Variants in PPP1R42 observed in about 807,000 individuals in gnomAD.
The protein encoded by PPP1R42 is leucine rich repeat containing 67.
In PPP1R42, 34 loss-of-function variants were observed where a neutral mutation model predicts 31.0. That is an observed-to-expected ratio of 1.10 (90% CI 0.83 to 1.46). The LOEUF is 1.46. Ranked by LOEUF, PPP1R42 falls within the 40% of genes most tolerant of loss-of-function variation. The pLI is 0.00. For missense variants in PPP1R42, 268 were observed against 303.0 expected (o/e 0.88, Z 0.86); for synonymous variants, 103 against 109.8 (o/e 0.94, Z 0.39).
intron 7 of PPP1R42, among the ~76,000 whole-genome samples, chr8:66,967,191 C>T (rs536117836): frequency 7.2e-5 from 11 of 152,060 alleles, no homozygotes; most frequent in Admixed American, 2.6e-4. Context: ...AGGCTGGTTT[C>T]GAACTCCTGG....
chr8:67,006,964 C>T (rs1423601870), intron 5 of PPP1R42, among the ~76,000 whole-genome samples: 8 of 149,490 alleles, frequency 5.4e-5, no homozygotes, highest in African/African-American at 1.5e-4. Flanking sequence ...AGGATGGTCT[C>T]GATCTCCTGA....
At chr8:66,964,702 T>A (rs1270467083) in intron 7 of PPP1R42, among the ~76,000 whole-genome samples, 1 of 152,176 alleles carries the variant, frequency 6.6e-6, no homozygotes, top group Non-Finnish European at 1.5e-5. Flanking sequence ...TTTTTATATA[T>A]AAATGTTTTA....
At position 67,028,540 on chromosome 8, in the gene PPP1R42, G is replaced by A. The variant is rs1169178751; in HGVS notation, c.-134C>T. On this transcript the variant is annotated 5_prime_UTR_variant, in exon 1 of 8. Transcript: ENST00000685739. ...AACTCCAGTTTGGTCGGTTTCATCG[G>A]CGCCGGGTCCCTACGCAGACCAGCG... 4 of 985,414 alleles carry A rather than the reference G, an allele frequency of 4.1e-6. No homozygotes were observed. Among genetic ancestry groups the A allele is most frequent in the Non-Finnish European group, 4.8e-6 (4 of 829,974 alleles). 61.0% of individuals were successfully genotyped at this position (985,414 alleles called of 1,614,324 possible).
At chr8:67,005,136 T>G (rs1815635229) in intron 5 of PPP1R42, among the ~76,000 whole-genome samples, 1 of 150,548 alleles carries the variant, frequency 6.6e-6, no homozygotes, top group Non-Finnish European at 1.5e-5. Context: ...AGCATTACCA[T>G]TTGTTGTGGT....
chr8:66,964,250 T>A lies in PPP1R42; in HGVS notation c.*71A>T, dbSNP rs1056508967. On this transcript the variant is annotated 3_prime_UTR_variant, in exon 8 of 8. Coordinates refer to ENST00000685739, the MANE Select transcript of PPP1R42 (RefSeq NM_001364910.1). ...ACTCATTTTCCACAAACAAATTTTC[T>A]TTTTCTTCTGGGTTATGGAAGAGGT... 9 of 1,177,496 alleles carry A rather than the reference T, an allele frequency of 7.6e-6. No individual in the cohort carries two copies. Among genetic ancestry groups the A allele is most frequent in the Admixed American group, 4.7e-5 (2 of 42,956 alleles). 72.9% of individuals were successfully genotyped at this position (1,177,496 alleles called of 1,614,324 possible).
At chr8:67,014,326 T>C in intron 3 of PPP1R42, 100 bp downstream of exon 3, 1 of 619,902 alleles carries the variant, frequency 1.6e-6, no homozygotes, top group Middle Eastern at 4.7e-4. Flanking sequence ...GAATTTACTT[T>C]TGGAATTTAA....
rs374962704 is a variant in PPP1R42 at position 67,019,664 on chromosome 8, G to A, written c.-84-1833C>T. ...CCCCAGCACTTTGGGAAGCCGAGGCGGGCGGATCACAAGGTCAGGAGATCG... is the reference window on the plus strand; with the variant it reads ...CCCCAGCACTTTGGGAAGCCGAGGCAGGCGGATCACAAGGTCAGGAGATCG... On this transcript the variant is annotated intron_variant, in intron 1 of 7. Transcript: ENST00000685739. 1.2e-3 allele frequency among the ~76,000 whole-genome samples: 179 copies of A among 151,788 alleles called. 1 individual carries two copies. Among genetic ancestry groups the A allele is most frequent in the African/African-American group, 4.2e-3 (175 of 41,422 alleles).
At chr8:66,967,801 T>G (rs1186060059) in intron 7 of PPP1R42, among the ~76,000 whole-genome samples, 1 of 152,138 alleles carries the variant, frequency 6.6e-6, no homozygotes, top group Admixed American at 6.6e-5. Context: ...TATTTTTACA[T>G]TAACAAAAGA....
At position 67,019,901 on chromosome 8, in the gene PPP1R42, C is replaced by A. The variant is rs951735569; in HGVS notation, c.-84-2070G>T. ...AGACTCCACCTCAACAAAAAAAAAA[C>A]CAAAAAAACAAACAAACAAAAAAAC... On this transcript the variant is annotated intron_variant, in intron 1 of 7. Transcript: ENST00000685739. Among the ~76,000 whole-genome samples the A allele has an allele frequency of 3.6e-4, 55 of 150,896 alleles. 1 individual carries two copies. The highest frequency in any genetic ancestry group is 6.3e-4 in the South Asian group (3 of 4,762).
chr8:67,016,660 G>A (rs1418867464), intron 2 of PPP1R42, among the ~76,000 whole-genome samples: 4 of 152,106 alleles, frequency 2.6e-5, no homozygotes, highest in Admixed American at 2.6e-4. Context: ...TGGGGTAAAG[G>A]TGGTTTTTGG....
chr8:67,011,854 A>G (rs1815852340), intron 4 of PPP1R42, among the ~76,000 whole-genome samples: 1 of 152,218 alleles, frequency 6.6e-6, no homozygotes, highest in Non-Finnish European at 1.5e-5. Flanking sequence ...GGAGGCATCC[A>G]TGCACAGCCA....
chr8:66,980,052 G>A (rs1232177988), intron 7 of PPP1R42, among the ~76,000 whole-genome samples: 1 of 152,070 alleles, frequency 6.6e-6, no homozygotes. Context: ...CCTTACCCTA[G>A]GTCTAGTTCT....
Position 66,982,157 on chromosome 8 carries a change from T to C in PPP1R42, c.694A>G (p.Lys232Glu), listed in dbSNP as rs1018567547. Reference protein sequence around the residue: ...SLEFLDGKEIKNIERQFLMNW... With the variant: ...SLEFLDGKEIENIERQFLMNW... ...ATTAGGAATTGTCTTTCTATATTTT[T>C]AATTTCTTTTCCATCAAGAAATTCT... The change falls in exon 7 of 8, where the codon AAA (lysine) becomes GAA (glutamate). Residue 232 changes from lysine (K) to glutamate (E), a missense_variant. Transcript: ENST00000685739. 2.1e-6 allele frequency: 3 copies of C among 1,450,482 alleles called. No homozygotes were observed. In the African/African-American group the frequency reaches 4.3e-5, roughly 21 times the overall value. 89.9% of individuals were successfully genotyped at this position (1,450,482 alleles called of 1,614,324 possible).
chr8:67,028,542 G>T lies in PPP1R42; in HGVS notation c.-136C>A. ...CTCCAGTTTGGTCGGTTTCATCGGC[G>T]CCGGGTCCCTACGCAGACCAGCGGC... On this transcript the variant is annotated 5_prime_UTR_variant, in exon 1 of 8. Transcript: ENST00000685739. 1.0e-6 allele frequency: 1 copy of T among 985,528 alleles called. No individual in the cohort carries two copies. Among genetic ancestry groups the T allele is most frequent in the Non-Finnish European group, 1.2e-6 (1 of 829,980 alleles). 61.0% of individuals were successfully genotyped at this position (985,528 alleles called of 1,614,324 possible).
At chr8:67,000,560 C>T (rs573435636) in intron 5 of PPP1R42, among the ~76,000 whole-genome samples, 2 of 152,142 alleles carry the variant, frequency 1.3e-5, no homozygotes, top group African/African-American at 2.4e-5. Context: ...TAGGCTCAAA[C>T]GATCCTCCCA....
intron 1 of PPP1R42, chr8:67,026,961 T>A (rs1816422043): frequency 6.6e-6 from 1 of 150,480 alleles, no homozygotes. Context: ...AGTTCAGTGG[T>A]GCGATTTCGG....
chr8:66,984,389 G>A (rs1814939422), intron 6 of PPP1R42: 1 of 1,307,662 alleles, frequency 7.6e-7, no homozygotes, highest in Non-Finnish European at 1.1e-6. Context: ...ATCCGATGCA[G>A]CATAAGATGC....
intron 5 of PPP1R42, among the ~76,000 whole-genome samples, chr8:66,993,007 G>A (rs1815235265): frequency 6.6e-6 from 1 of 152,036 alleles, no homozygotes; most frequent in Non-Finnish European, 1.5e-5. Context: ...ATTTTCTCTG[G>A]AACATTTCAA....
chr8:66,994,934 A>G (rs1815292868), intron 5 of PPP1R42, among the ~76,000 whole-genome samples: 2 of 152,200 alleles, frequency 1.3e-5, no homozygotes, highest in African/African-American at 4.8e-5. Context: ...TTAGGTCCAT[A>G]TAAAAGCAGC....
Sources: allele counts gnomAD v4.1 joint callset (sites outside exome capture counted in the v4.1 genomes callset), GRCh38; gene constraint gnomAD v4.1.1; transcripts MANE v1.5; gene names NCBI Gene and HGNC (gene_info 2026-07-23, HGNC 2026-07-21).